Variants in AQP4 observed in about 807,000 individuals in gnomAD.
AQP4 encodes the protein aquaporin-4.
In AQP4, 18 loss-of-function variants were observed where a neutral mutation model predicts 27.8. The observed-to-expected ratio is 0.65, with a 90% confidence interval of 0.45 to 0.96. The LOEUF (loss-of-function observed/expected upper bound fraction) is 0.96. AQP4 is among the 40% of genes least tolerant of loss of function. The pLI is 0.00. For synonymous variants in AQP4, 141 were observed against 142.9 expected, an observed-to-expected ratio of 0.99 and a Z score of 0.10; for missense variants, 412 against 408.2, an observed-to-expected ratio of 1.01 and a Z score of -0.08.
rs76951682 is a variant in AQP4, at chr18:26,853,324, G to A, written c.*2887C>T. On this transcript the variant is annotated 3_prime_UTR_variant, in exon 5 of 5. Transcript: ENST00000383168. Reference sequence around the variant, plus strand: ...AAAATATTTCCTTCCAGTACAAAAGGTTAAGGCTCTTTGAAGAAAATGTTA... The same window carrying A: ...AAAATATTTCCTTCCAGTACAAAAGATTAAGGCTCTTTGAAGAAAATGTTA... 997 of 155,778 alleles carry A rather than the reference G, an allele frequency of 6.4e-3. 9 individuals are homozygous for A. Among genetic ancestry groups the A allele is most frequent in the African/African-American group, 0.023 (960 of 41,728 alleles). 9.6% of individuals were successfully genotyped at this position (155,778 alleles called of 1,614,324 possible).
chr18:26,860,666 G>T, intron 4 of AQP4, 106 bp downstream of exon 4: 2 of 979,164 alleles, frequency 2.0e-6, no homozygotes, highest in Non-Finnish European at 3.3e-6. Context: ...GTCAAGGTTG[G>T]AGAAATGCAA....
At chr18:26,861,898 A>T in intron 2 of AQP4, 1 of 490,018 alleles carries the variant, frequency 2.0e-6, no homozygotes, top group Non-Finnish European at 3.7e-6. Flanking sequence ...CTAAATATAA[A>T]GTCAATATAG....
rs1423385040 is a variant in AQP4 at position 26,862,427 on chromosome 18, C to T, written c.202G>A (p.Val68Ile). The stretch of plus-strand genomic sequence containing the variant: ...CAAAGGGAGATGAGAACCATGTCGA[C>T]CGGTAAAGGCTTTTCTGTTCCACCC... ...NWGGTEKPLP[V>I]DMVLISLCFG... Residue 68 changes from valine to isoleucine, a missense_variant, in exon 2 of 5, where the codon GTC becomes ATC. Coordinates refer to ENST00000383168, the MANE Select transcript of AQP4 (RefSeq NM_001650.7). The T allele has an allele frequency of 6.2e-7, 1 of 1,614,070 alleles. No homozygotes were observed. The highest frequency in any genetic ancestry group is 8.5e-7 in the Non-Finnish European group (1 of 1,180,036).
At chr18:26,865,483 C>A (rs1482465801) in intron 1 of AQP4, 175 bp downstream of exon 1, 8 of 809,386 alleles carry the variant, frequency 9.9e-6, no homozygotes, top group East Asian at 2.4e-5. Context: ...TTTTCTTCTA[C>A]CTTCTCTATG....
intron 4 of AQP4, 67 bp downstream of exon 4, chr18:26,860,705 A>C: frequency 7.1e-7 from 1 of 1,412,724 alleles, no homozygotes; most frequent in Non-Finnish European, 1.0e-6. Context: ...ATAATGAAAA[A>C]TAAAAGAGCC....
In AQP4 at chr18:26,862,604, GA is replaced by G; in HGVS notation, c.33-9del. On this transcript the variant is annotated splice_polypyrimidine_tract_variant and intron_variant, in intron 1 of 4. Transcript: ENST00000383168. ...CACAAAGGTCCACACTTACTGAAAA[GA>G]GAAACAAATCAGCATCAGAAGCCAC... 6.2e-7 allele frequency: 1 copy of G among 1,613,822 alleles called. No homozygotes were observed. The highest frequency in any genetic ancestry group is 8.5e-7 in the Non-Finnish European group (1 of 1,180,024).
chr18:26,852,978 C>A lies in AQP4; in HGVS notation c.*3233G>T. ...CATCTTACCATTTGAATTTACTGCT[C>A]TAGTTTGGAATTTTCCTGTCATTAT... On this transcript the variant is annotated 3_prime_UTR_variant, in exon 5 of 5. Transcript: ENST00000383168. The A allele has an allele frequency of 2.5e-6, 1 of 398,110 alleles. No individual in the cohort carries two copies. The highest frequency in any genetic ancestry group is 1.3e-4 in the South Asian group (1 of 7,794). 24.7% of individuals were successfully genotyped at this position (398,110 alleles called of 1,614,324 possible). A position where few individuals can be genotyped will look rare whatever the true frequency, so the allele number is the denominator to read the frequency against.
chr18:26,860,759 A>T lies in AQP4; in HGVS notation c.693+13T>A. 6.2e-7 allele frequency: 1 copy of T among 1,607,470 alleles called. No homozygotes were observed. The highest frequency in any genetic ancestry group is 1.7e-5 in the Admixed American group (1 of 60,012). ...AACTGTAGGAAGATGGGAACTATCA[A>T]TATGAGGGTTACCCAATGGTTTTCC... On this transcript the variant is annotated intron_variant, in intron 4 of 4. Coordinates refer to ENST00000383168, the MANE Select transcript of AQP4 (RefSeq NM_001650.7).
At chr18:26,859,887 G>C (rs777440594) in intron 4 of AQP4, among the ~76,000 whole-genome samples, 2 of 152,072 alleles carry the variant, frequency 1.3e-5, no homozygotes, top group African/African-American at 4.8e-5. Flanking sequence ...AGTGACATTT[G>C]CAATATATAA....
At chr18:26,856,538 C>G (rs190383372) in intron 4 of AQP4, 49 bp from the exon 5 acceptor site, 19 of 1,593,832 alleles carry the variant, frequency 1.2e-5, no homozygotes, top group Non-Finnish European at 1.6e-5. Flanking sequence ...AAAAGCTATT[C>G]CATTGAGCAG....
chr18:26,862,619 A>C, intron 1 of AQP4, 23 bp from the exon 2 acceptor site: 1 of 1,613,822 alleles, frequency 6.2e-7, no homozygotes, highest in South Asian at 1.1e-5. Flanking sequence ...ACAAATCAGC[A>C]TCAGAAGCCA....
In AQP4 at chr18:26,853,728, G is replaced by A. The variant is rs1452164849; in HGVS notation, c.*2483C>T. On this transcript the variant is annotated 3_prime_UTR_variant, in exon 5 of 5. Transcript: ENST00000383168. ...GCCATCCACAAGGCGATAGACCCCTGCTGCATAGATGTCATTAGAAAGGTA... is the reference window on the plus strand; with the variant it reads ...GCCATCCACAAGGCGATAGACCCCTACTGCATAGATGTCATTAGAAAGGTA... 6.6e-6 allele frequency: 1 copy of A among 152,586 alleles called. No individual in the cohort carries two copies. Among genetic ancestry groups the A allele is most frequent in the African/African-American group, 2.4e-5 (1 of 41,428 alleles). The allele number at this position is 152,586 out of a possible 1,614,324, so 9.5% of individuals were successfully genotyped here.
At chr18:26,865,354 C>G in intron 1 of AQP4, 2 of 495,452 alleles carry the variant, frequency 4.0e-6, no homozygotes, top group Non-Finnish European at 7.3e-6. Context: ...GACAGCTGAG[C>G]GTCTGGGTGA....
Position 26,861,263 on chromosome 18 carries a change from G to T in AQP4, c.480C>A (p.Leu160=), listed in dbSNP as rs150051046. ...GAAATGTGATTATCAACTCAACCAGGAGACCATGACCAGCGGTAAGATTTC... is the reference window on the plus strand; with the variant it reads ...GAAATGTGATTATCAACTCAACCAGTAGACCATGACCAGCGGTAAGATTTC... The part of the protein sequence containing the change: ...VHGNLTAGHG[L]LVELIITFQL... Residue 160 remains leucine (L), a synonymous_variant, in exon 3 of 5, where the codon CTC becomes CTA. Transcript: ENST00000383168. The T allele has an allele frequency of 1.1e-3, 1,701 of 1,613,948 alleles. 1 individual carries two copies. The highest frequency in any genetic ancestry group is 1.4e-3 in the Non-Finnish European group (1,628 of 1,179,960).
rs1160621613 is a variant in AQP4, at chr18:26,865,166, C to T, written c.32+492G>A. 8 of 221,140 alleles carry T rather than the reference C, an allele frequency of 3.6e-5. No individual in the cohort carries two copies. The East Asian group carries it at 8.3e-4, about 23-fold the overall frequency. 13.7% of individuals were successfully genotyped at this position (221,140 alleles called of 1,614,324 possible). A position where few individuals can be genotyped will look rare whatever the true frequency, so the allele number is the denominator to read the frequency against. ...ATCTCTGGCCTTATGAGGGCTCACC[C>T]TAGCGTCACCCATAGCACCCTGCTT... On this transcript the variant is annotated intron_variant, in intron 1 of 4. Coordinates refer to ENST00000383168, the MANE Select transcript of AQP4 (RefSeq NM_001650.7).
chr18:26,864,696 AATGCGATC>A (rs952391218), intron 1 of AQP4, among the ~76,000 whole-genome samples: 1 of 152,120 alleles, frequency 6.6e-6, no homozygotes, highest in Non-Finnish European at 1.5e-5. Context: ...AAGGGGGCAA[AATGCGATC>A]ATAGGTGCTG....
intron 2 of AQP4, 106 bp downstream of exon 2, chr18:26,862,076 G>A: frequency 1.5e-6 from 2 of 1,301,342 alleles, no homozygotes; most frequent in African/African-American, 1.5e-5. Flanking sequence ...TTCCCTAGGA[G>A]TAAATTAGCT....
At chr18:26,858,358 G>A (rs2054880364) in intron 4 of AQP4, among the ~76,000 whole-genome samples, 1 of 151,992 alleles carries the variant, frequency 6.6e-6, no homozygotes, top group Non-Finnish European at 1.5e-5. Context: ...GTTTTCCACT[G>A]TACTACACAC....
chr18:26,862,316 C>G lies in AQP4; in HGVS notation c.313G>C (p.Val105Leu). The G allele has an allele frequency of 6.2e-7, 1 of 1,614,204 alleles. No homozygotes were observed. The highest frequency in any genetic ancestry group is 1.1e-5 in the South Asian group (1 of 91,086). Residue 105 changes from valine (V) to leucine (L), a missense_variant, in exon 2 of 5, where the codon GTG becomes CTG. By Grantham distance (32) the Val-to-Leu change is conservative (BLOSUM62 1). Coordinates refer to ENST00000383168, the MANE Select transcript of AQP4 (RefSeq NM_001650.7). ...HINPAVTVAM[V>L]CTRKISIAKS... Reference sequence around the variant, plus strand: ...GCGATGCTGATCTTCCTGGTGCACACCATGGCCACAGTCACTGCAGGGTTG... The same window carrying G: ...GCGATGCTGATCTTCCTGGTGCACAGCATGGCCACAGTCACTGCAGGGTTG...
Sources: allele counts gnomAD v4.1 joint callset (sites outside exome capture counted in the v4.1 genomes callset), GRCh38; gene constraint gnomAD v4.1.1; transcripts MANE v1.5; gene names NCBI Gene and HGNC (gene_info 2026-07-23, HGNC 2026-07-21).